HLCS: variants seen among roughly 807,000 people sequenced by gnomAD.
The protein encoded by HLCS is biotin--protein ligase.
A neutral mutation model predicts 75.0 loss-of-function variants in HLCS; 53 were observed. That is an observed-to-expected ratio of 0.71 (90% CI 0.57 to 0.89). HLCS has a LOEUF of 0.89. Among genes scored for constraint, HLCS ranks in the 40% least tolerant of loss-of-function variants. The pLI, the probability that HLCS is intolerant of heterozygous loss-of-function variation, is 0.00. For synonymous variants in HLCS, 431 were observed against 428.6 expected, an observed-to-expected ratio of 1.01 and a Z score of -0.07; for missense variants, 966 against 1,074.0, an observed-to-expected ratio of 0.90 and a Z score of 1.41.
At chr21:36,894,447 CT>C (rs2064927904) in intron 6 of HLCS, among the ~76,000 whole-genome samples, 1 of 152,104 alleles carries the variant, frequency 6.6e-6, no homozygotes, top group Non-Finnish European at 1.5e-5. Context: ...TCAAGATGAC[CT>C]CTTCAAATGT....
chr21:36,883,975 A>G (rs114052336), intron 6 of HLCS, among the ~76,000 whole-genome samples: 1 of 152,142 alleles, frequency 6.6e-6, no homozygotes, highest in Non-Finnish European at 1.5e-5. Flanking sequence ...CACTGTGGGC[A>G]TTTATTCAGT....
At chr21:36,777,437 C>A (rs1353446562) in intron 6 of HLCS, among the ~76,000 whole-genome samples, 2 of 152,262 alleles carry the variant, frequency 1.3e-5, no homozygotes, top group Admixed American at 1.3e-4. Context: ...GGCCCAAGGG[C>A]CAAACTTTGC....
intron 5 of HLCS, among the ~76,000 whole-genome samples, chr21:36,908,314 A>G (rs1386350182): frequency 6.6e-6 from 1 of 152,052 alleles, no homozygotes; most frequent in East Asian, 1.9e-4. Flanking sequence ...ACTTGAGCCC[A>G]GGAATTCAAG....
In HLCS at chr21:36,826,369, C is replaced by G. The variant is rs547336981; in HGVS notation, c.1893-59084G>C. Among the ~76,000 whole-genome samples, 154 of 152,252 alleles carry G rather than the reference C, an allele frequency of 1.0e-3. 2 individuals are homozygous for G. The Middle Eastern group carries it at 0.01, about 10-fold the overall frequency. On this transcript the variant is annotated intron_variant, in intron 6 of 10. Transcript: ENST00000674895. ...ACGTGGATCTCCAGAGTTCAGTACT[C>G]GCTACACTGATGGCACTCAGAAGTT...
intron 6 of HLCS, among the ~76,000 whole-genome samples, chr21:36,820,946 G>A (rs576362704): frequency 9.9e-5 from 15 of 152,234 alleles, no homozygotes; most frequent in Non-Finnish European, 1.6e-4. Context: ...GCTGAGTGCA[G>A]ACTGGGAGGC....
intron 6 of HLCS, among the ~76,000 whole-genome samples, chr21:36,875,299 G>C (rs1601592583): frequency 6.6e-6 from 1 of 152,164 alleles, no homozygotes; most frequent in Admixed American, 6.5e-5. Context: ...CCTGGAGTGA[G>C]AATTTCATTG....
chr21:36,813,230 T>C (rs916428763), intron 6 of HLCS, among the ~76,000 whole-genome samples: 2 of 152,252 alleles, frequency 1.3e-5, no homozygotes, highest in East Asian at 1.9e-4. Context: ...AACTTGCTCA[T>C]GATACTAAGC....
At chr21:36,845,641 C>T (rs541271865) in intron 6 of HLCS, among the ~76,000 whole-genome samples, 1 of 152,304 alleles carries the variant, frequency 6.6e-6, no homozygotes, top group East Asian at 1.9e-4. Context: ...AATTGGCCCC[C>T]AGTGGTGGAG....
At chr21:36,901,660 TGGC>T (rs2065242790) in intron 5 of HLCS, among the ~76,000 whole-genome samples, 1 of 152,190 alleles carries the variant, frequency 6.6e-6, no homozygotes, top group Non-Finnish European at 1.5e-5. Flanking sequence ...CCCATCTCTG[TGGC>T]CATCATCACA....
chr21:36,823,466 A>G (rs958397309), intron 6 of HLCS, among the ~76,000 whole-genome samples: 2 of 152,216 alleles, frequency 1.3e-5, no homozygotes, highest in African/African-American at 4.8e-5. Context: ...TGCAAACTAG[A>G]AACACGAACT....
intron 6 of HLCS, among the ~76,000 whole-genome samples, chr21:36,839,246 T>C (rs890916510): frequency 2.0e-5 from 3 of 152,124 alleles, no homozygotes; most frequent in East Asian, 3.9e-4. Flanking sequence ...CATGAAAAAA[T>C]GACACACTTC....
chr21:36,759,131 T>C (rs1254121813), intron 9 of HLCS: 4 of 471,180 alleles, frequency 8.5e-6, no homozygotes, highest in South Asian at 1.5e-5. Flanking sequence ...TTTTTGACCA[T>C]TGCTGGTTTC....
intron 6 of HLCS, among the ~76,000 whole-genome samples, chr21:36,868,291 G>A (rs1246724295): frequency 7.3e-5 from 11 of 149,906 alleles, no homozygotes; most frequent in Non-Finnish European, 1.5e-4. Context: ...AAGAAAGAAA[G>A]AAAAAGAAAA....
chr21:36,970,110 T>C (rs2068745882), upstream of HLCS, among the ~76,000 whole-genome samples: 1 of 152,240 alleles, frequency 6.6e-6, no homozygotes, highest in Admixed American at 6.5e-5. Context: ...CTATCCCCCA[T>C]TAAATACATG....
chr21:36,759,976 C>T, intron 8 of HLCS, 135 bp from the exon 9 acceptor site: 1 of 721,788 alleles, frequency 1.4e-6, no homozygotes, highest in African/African-American at 1.7e-5. Context: ...GGCAGCTAAT[C>T]ACTTCTTTGG....
intron 6 of HLCS, among the ~76,000 whole-genome samples, chr21:36,850,814 T>C (rs1251792249): frequency 6.6e-6 from 1 of 152,174 alleles, no homozygotes; most frequent in African/African-American, 2.4e-5. Flanking sequence ...CTACATTTTC[T>C]GTGTCCCTTC....
At chr21:36,894,730 C>A (rs1230155335) in intron 6 of HLCS, among the ~76,000 whole-genome samples, 1 of 152,178 alleles carries the variant, frequency 6.6e-6, no homozygotes, top group Non-Finnish European at 1.5e-5. Context: ...AAATATTTTT[C>A]CCCTTTGTAA....
chr21:36,815,161 G>A (rs1016939005), intron 6 of HLCS, among the ~76,000 whole-genome samples: 1 of 151,956 alleles, frequency 6.6e-6, no homozygotes. Flanking sequence ...TGAGTAGCTG[G>A]GATTACAGGC....
intron 2 of HLCS, among the ~76,000 whole-genome samples, chr21:36,950,109 C>A (rs2146599244): frequency 6.6e-6 from 1 of 152,180 alleles, no homozygotes; most frequent in East Asian, 1.9e-4. Flanking sequence ...CAGGTTTGCT[C>A]CCCTCCAATC....
Sources: allele counts gnomAD v4.1 joint callset (sites outside exome capture counted in the v4.1 genomes callset), GRCh38; gene constraint gnomAD v4.1.1; transcripts MANE v1.5; gene names NCBI Gene and HGNC (gene_info 2026-07-23, HGNC 2026-07-21).